The following CSGALNACT1 variants were observed in gnomAD, a reference collection of about 807,000 sequenced individuals.
CSGALNACT1 encodes the protein chondroitin sulfate N-acetylgalactosaminyltransferase 1, also known as beta4GalNAcT-1.
In CSGALNACT1, 52 loss-of-function variants were observed where a neutral mutation model predicts 51.0. The ratio of observed to expected loss-of-function variants is 1.02; its 90% CI spans 0.82 to 1.29. The LOEUF is 1.29. CSGALNACT1 is among the 50% of genes most tolerant of loss of function. CSGALNACT1 has a pLI of 0.00. For missense variants in CSGALNACT1, 935 were observed against 679.2 expected (o/e 1.38, Z -4.19); for synonymous variants, 341 against 254.4 (o/e 1.34, Z -3.24).
chr8:19,503,141 A>G (rs995076419), intron 4 of CSGALNACT1, among the ~76,000 whole-genome samples: 20 of 152,242 alleles, frequency 1.3e-4, no homozygotes, highest in African/African-American at 4.8e-4. Context: ...ACTGCTCATC[A>G]TAGTTCAATC....
At chr8:19,649,503 T>C (rs1304166350) in intron 1 of CSGALNACT1, among the ~76,000 whole-genome samples, 1 of 152,132 alleles carries the variant, frequency 6.6e-6, no homozygotes, top group African/African-American at 2.4e-5. Flanking sequence ...TCATGTATTT[T>C]TAAAGAAATG....
intron 3 of CSGALNACT1, among the ~76,000 whole-genome samples, chr8:19,590,640 C>CTTTTTTTTTTTTTTTTTTTTTTT (rs34859554): frequency 5.8e-5 from 4 of 68,970 alleles, no homozygotes; most frequent in African/African-American, 2.2e-4. Context: ...GACCTAACTA[C>CTTTTTTTTTTTTTTTTTTTTTTT]TTTTTTTTTT....
intron 1 of CSGALNACT1, among the ~76,000 whole-genome samples, chr8:19,613,134 A>C (rs1361141051): frequency 6.6e-6 from 1 of 151,906 alleles, no homozygotes; most frequent in African/African-American, 2.4e-5. Context: ...GTGAGACAAA[A>C]CTCTTAAAAA....
At chr8:19,407,389 G>A (rs939601385) in intron 9 of CSGALNACT1, among the ~76,000 whole-genome samples, 5 of 152,098 alleles carry the variant, frequency 3.3e-5, no homozygotes, top group African/African-American at 4.8e-5. Flanking sequence ...GGGATGGGAC[G>A]CTCCATGCCA....
At chr8:19,580,384 T>A (rs1206161717) in intron 3 of CSGALNACT1, among the ~76,000 whole-genome samples, 3 of 152,200 alleles carry the variant, frequency 2.0e-5, no homozygotes, top group Non-Finnish European at 4.4e-5. Flanking sequence ...GAGTTGACAT[T>A]TAGGGCCTAG....
At chr8:19,468,167 G>T (rs1407895729) in intron 4 of CSGALNACT1, among the ~76,000 whole-genome samples, 2 of 81,302 alleles carry the variant, frequency 2.5e-5, no homozygotes, top group Non-Finnish European at 5.7e-5. Context: ...TGGACAGTTT[G>T]ATAGCAGATG....
chr8:19,433,631 A>T (rs2153732356), intron 6 of CSGALNACT1, among the ~76,000 whole-genome samples: 1 of 152,312 alleles, frequency 6.6e-6, no homozygotes, highest in South Asian at 2.1e-4. Context: ...CAACCTTGTG[A>T]GTGGTGTCTT....
chr8:19,497,313 T>C (rs992253121), intron 4 of CSGALNACT1, among the ~76,000 whole-genome samples: 5 of 152,112 alleles, frequency 3.3e-5, no homozygotes, highest in African/African-American at 4.8e-5. Flanking sequence ...TAGACCTCAA[T>C]TGCAGGGCTG....
chr8:19,551,240 G>C (rs2975434), intron 3 of CSGALNACT1, among the ~76,000 whole-genome samples: 20,472 of 152,194 alleles, frequency 0.13, 1,552 homozygotes, highest in Middle Eastern at 0.2. Flanking sequence ...ACAGCAGTCT[G>C]AGTAGGAAAG....
intron 1 of CSGALNACT1, among the ~76,000 whole-genome samples, chr8:19,694,884 A>G (rs1332272448): frequency 6.6e-6 from 1 of 152,206 alleles, no homozygotes; most frequent in African/African-American, 2.4e-5. Context: ...AGGTCCCCAA[A>G]AGTTTGTTCC....
chr8:19,599,602 A>G (rs1451611294), intron 2 of CSGALNACT1, among the ~76,000 whole-genome samples: 1 of 152,116 alleles, frequency 6.6e-6, no homozygotes, highest in Non-Finnish European at 1.5e-5. Context: ...GAAGGAAAGA[A>G]GGAAAGAAAG....
intron 1 of CSGALNACT1, among the ~76,000 whole-genome samples, chr8:19,612,534 T>C (rs918877242): frequency 4.6e-5 from 7 of 151,782 alleles, no homozygotes; most frequent in African/African-American, 1.7e-4. Flanking sequence ...AGGAGGAGGG[T>C]CCCGCAACCA....
Position 19,561,856 on chromosome 8 carries a change from A to G in CSGALNACT1, c.-297+29304T>C, listed in dbSNP as rs547052229. Among the ~76,000 whole-genome samples, 11 of 152,322 alleles carry G rather than the reference A, an allele frequency of 7.2e-5. No homozygotes were observed. In the South Asian group the frequency reaches 8.3e-4, roughly 11 times the overall value. On this transcript the variant is annotated intron_variant, in intron 3 of 9. Coordinates refer to ENST00000454498, the Ensembl canonical transcript of CSGALNACT1. ...GAGAAGTCAGTGGGGCCAGGAGGGTAAGAGGTAAGAGGAACACCTGAGCCC... is the reference window on the plus strand; with the variant it reads ...GAGAAGTCAGTGGGGCCAGGAGGGTGAGAGGTAAGAGGAACACCTGAGCCC...
intron 9 of CSGALNACT1, among the ~76,000 whole-genome samples, chr8:19,408,199 T>C (rs2054734062): frequency 6.6e-6 from 1 of 152,080 alleles, no homozygotes; most frequent in Admixed American, 6.5e-5. Flanking sequence ...TAATCTCAGA[T>C]TGTGTGTCTT....
chr8:19,542,259 TGTTA>T (rs1164446435), intron 3 of CSGALNACT1, among the ~76,000 whole-genome samples: 10 of 149,870 alleles, frequency 6.7e-5, no homozygotes, highest in African/African-American at 2.5e-4. Context: ...CACTGAAGCC[TGTTA>T]GTTAAGCTCA....
chr8:19,496,471 A>C (rs2075481173), intron 4 of CSGALNACT1, among the ~76,000 whole-genome samples: 1 of 152,184 alleles, frequency 6.6e-6, no homozygotes, highest in Non-Finnish European at 1.5e-5. Context: ...TCATTTGTAG[A>C]GCAGTGTAAG....
intron 6 of CSGALNACT1, among the ~76,000 whole-genome samples, chr8:19,430,031 G>A (rs2059410749): frequency 1.3e-5 from 2 of 152,278 alleles, no homozygotes; most frequent in African/African-American, 4.8e-5. Context: ...TTGGAGAAAT[G>A]TACATCCAAG....
intron 3 of CSGALNACT1, among the ~76,000 whole-genome samples, chr8:19,529,182 G>C (rs2082273829): frequency 6.6e-6 from 1 of 152,110 alleles, no homozygotes; most frequent in African/African-American, 2.4e-5. Context: ...AAGCTTTTTT[G>C]GTGAGTTGTT....
chr8:19,607,269 G>A (rs1474633141), upstream of CSGALNACT1, among the ~76,000 whole-genome samples: 1 of 152,150 alleles, frequency 6.6e-6, no homozygotes, highest in Non-Finnish European at 1.5e-5. Flanking sequence ...ACAATGAAGT[G>A]ATTCCCATCA....
Sources: gnomAD v4.1 joint callset for allele counts (sites outside exome capture counted in the v4.1 genomes callset) on GRCh38, gnomAD v4.1.1 for gene constraint, MANE v1.5 for transcripts, NCBI Gene and HGNC (gene_info 2026-07-23, HGNC 2026-07-21) for gene names.